The following MME variants were observed in gnomAD, a reference collection of about 807,000 sequenced individuals.
The protein encoded by MME is membrane metalloendopeptidase.
MME carries 98 observed loss-of-function variants against 113.2 expected under a neutral mutation model. That is an observed-to-expected ratio of 0.87 (90% CI 0.74 to 1.02). The LOEUF is 1.02. Among genes scored for constraint, MME ranks in the 50% least tolerant of loss-of-function variants. MME has a pLI of 0.00. For missense variants in MME, 836 were observed against 896.0 expected, an observed-to-expected ratio of 0.93 and a Z score of 0.86; for synonymous variants, 292 against 300.6, an observed-to-expected ratio of 0.97 and a Z score of 0.30.
intron 1 of MME, among the ~76,000 whole-genome samples, chr3:155,030,460 A>C (rs1712931901): frequency 6.6e-6 from 1 of 152,124 alleles, no homozygotes; most frequent in Non-Finnish European, 1.5e-5. Flanking sequence ...GTAGCCCTTT[A>C]ATCGATAGGG....
intron 1 of MME, among the ~76,000 whole-genome samples, chr3:155,073,893 T>A (rs1714661467): frequency 6.6e-6 from 1 of 152,216 alleles, no homozygotes; most frequent in Non-Finnish European, 1.5e-5. Context: ...TGATCTTTTA[T>A]CCAACAATCA....
At chr3:155,086,249 G>A (rs116347917) in intron 3 of MME, among the ~76,000 whole-genome samples, 1 of 152,146 alleles carries the variant, frequency 6.6e-6, no homozygotes, top group Non-Finnish European at 1.5e-5. Flanking sequence ...TGAATGAATT[G>A]AGAATGATGC....
intron 16 of MME, among the ~76,000 whole-genome samples, chr3:155,154,344 G>C (rs531225018): frequency 8.5e-5 from 13 of 152,284 alleles, no homozygotes; most frequent in African/African-American, 3.1e-4. Context: ...TTGGCACCCT[G>C]GGAAGTGACA....
In MME at chr3:155,142,098, T is replaced by C. The variant is rs757982890; in HGVS notation, c.1065T>C (p.Leu355=). Reference sequence around the variant, plus strand: ...ATGCTCCAGAATATTTAACCAAACTTAAGCCCATTCTTACCAAATATTCTG... The same window carrying C: ...ATGCTCCAGAATATTTAACCAAACTCAAGCCCATTCTTACCAAATATTCTG... The part of the protein sequence containing the change: ...VVYAPEYLTK[L]KPILTKYSAR... The change falls in exon 11 of 23, where the codon CTT becomes CTC. Residue 355 remains leucine (L), a synonymous_variant. Transcript: ENST00000360490. 6.2e-7 allele frequency: 1 copy of C among 1,613,850 alleles called. No individual in the cohort carries two copies. Among genetic ancestry groups the C allele is most frequent in the Non-Finnish European group, 8.5e-7 (1 of 1,179,812 alleles).
At chr3:155,119,284 C>A (rs1576607694) in intron 8 of MME, among the ~76,000 whole-genome samples, 1 of 152,056 alleles carries the variant, frequency 6.6e-6, no homozygotes, top group East Asian at 1.9e-4. Flanking sequence ...TTTGCAGCTA[C>A]CTTGTGACTC....
At chr3:155,055,629 A>T (rs1454552888) in intron 1 of MME, among the ~76,000 whole-genome samples, 1 of 151,944 alleles carries the variant, frequency 6.6e-6, no homozygotes, top group Non-Finnish European at 1.5e-5. Context: ...TAATTCCACC[A>T]TTTACATAAA....
At chr3:155,094,866 G>A (rs1283915516) in intron 3 of MME, among the ~76,000 whole-genome samples, 1 of 152,138 alleles carries the variant, frequency 6.6e-6, no homozygotes, top group Non-Finnish European at 1.5e-5. Context: ...GTAAGTCAGA[G>A]GTCTGCATCA....
chr3:155,109,179 T>TTGG (rs1717954424), intron 3 of MME, among the ~76,000 whole-genome samples: 1 of 147,414 alleles, frequency 6.8e-6, no homozygotes, highest in Admixed American at 6.9e-5. Flanking sequence ...ACCAGGCCTG[T>TTGG]TGGTGCTTGT....
upstream of MME, among the ~76,000 whole-genome samples, chr3:155,078,153 C>T (rs1021657433): frequency 1.3e-5 from 2 of 151,836 alleles, no homozygotes; most frequent in African/African-American, 2.4e-5. Context: ...GCAGGAGAAT[C>T]GCTTGAACCC....
intron 16 of MME, among the ~76,000 whole-genome samples, chr3:155,154,496 G>A (rs1559954973): frequency 6.6e-6 from 1 of 152,144 alleles, no homozygotes; most frequent in Admixed American, 6.5e-5. Flanking sequence ...GAATGTGTCT[G>A]AGGTTCTTTC....
intron 3 of MME, among the ~76,000 whole-genome samples, chr3:155,098,540 A>G (rs1716935681): frequency 6.7e-6 from 1 of 148,378 alleles, no homozygotes; most frequent in Admixed American, 6.7e-5. Flanking sequence ...TGGGCGGCAG[A>G]GTGAGATTCT....
intron 1 of MME, among the ~76,000 whole-genome samples, chr3:155,059,684 A>G (rs966426341): frequency 1.3e-5 from 2 of 152,202 alleles, no homozygotes; most frequent in Admixed American, 6.5e-5. Context: ...GTTTATTTCA[A>G]AAGTATATTA....
chr3:155,042,928 A>ATATATATG (rs1713401381), intron 1 of MME, among the ~76,000 whole-genome samples: 2 of 67,416 alleles, frequency 3.0e-5, no homozygotes, highest in African/African-American at 7.8e-5. Context: ...ATATATATAT[A>ATATATATG]TATATATATA....
chr3:155,181,269 A>G lies in MME; in HGVS notation c.*810A>G, dbSNP rs182528424. On this transcript the variant is annotated 3_prime_UTR_variant, in exon 23 of 23. Transcript: ENST00000360490. ...TATTATAGGTAATCAATGAATATTG[A>G]AGTTTCAGCTTAAAATAAACAGTTG... 200 of 152,192 alleles carry G rather than the reference A, an allele frequency of 1.3e-3. No homozygotes were observed. Among genetic ancestry groups the G allele is most frequent in the African/African-American group, 4.7e-3 (194 of 41,564 alleles). 9.4% of individuals were successfully genotyped at this position (152,192 alleles called of 1,614,324 possible).
rs554562911 is a variant in MME at position 155,102,670 on chromosome 3, T to G, written c.197-12324T>G. Among the ~76,000 whole-genome samples the G allele has an allele frequency of 2.0e-5, 3 of 152,276 alleles. No homozygotes were observed. The South Asian group carries it at 6.2e-4, about 32-fold the overall frequency. On this transcript the variant is annotated intron_variant, in intron 3 of 22. Transcript: ENST00000360490. ...TGTAATAAAAGTAAAGCTGTTCTCA[T>G]GAGATGCCCATGATGAGGGCTTCTA...
intron 7 of MME, among the ~76,000 whole-genome samples, chr3:155,117,599 G>GTTTTTTTTTTTTTT (rs5853715): frequency 1.5e-5 from 2 of 131,440 alleles, no homozygotes; most frequent in African/African-American, 2.9e-5. Flanking sequence ...TTTTTTTTTT[G>GTTTTTTTTTTTTTT]TTTTTTTTTT....
chr3:155,078,045 TACACACAC>T (rs34585642), upstream of MME, among the ~76,000 whole-genome samples: 886 of 139,840 alleles, frequency 6.3e-3, 3 homozygotes, highest in Non-Finnish European at 0.011. Context: ...AAAGTAAAAG[TACACACAC>T]ACACACACAC....
intron 8 of MME, among the ~76,000 whole-genome samples, chr3:155,126,680 T>C (rs568082200): frequency 2.1e-3 from 324 of 152,080 alleles, no homozygotes; most frequent in Non-Finnish European, 3.1e-3. Flanking sequence ...TTGACCAGAG[T>C]GGTGTTGTGG....
chr3:155,047,639 T>C (rs112760682), intron 1 of MME, among the ~76,000 whole-genome samples: 4,074 of 152,320 alleles, frequency 0.027, 82 homozygotes, highest in South Asian at 0.088. Context: ...TGCATTAAAG[T>C]ATCTGATAGT....
Sources: gnomAD v4.1 joint callset for allele counts (sites outside exome capture counted in the v4.1 genomes callset) on GRCh38, gnomAD v4.1.1 for gene constraint, MANE v1.5 for transcripts, NCBI Gene and HGNC (gene_info 2026-07-23, HGNC 2026-07-21) for gene names.